DISP3: variants seen among roughly 807,000 people sequenced by gnomAD.
The protein encoded by DISP3 is protein dispatched homolog 3.
DISP3 carries 101 observed loss-of-function variants against 135.3 expected under a neutral mutation model. The ratio of observed to expected loss-of-function variants is 0.75; its 90% CI spans 0.64 to 0.88. The LOEUF is 0.88. Ranked by LOEUF, DISP3 falls within the 40% of genes least tolerant of loss-of-function variation. The pLI, the probability that DISP3 is intolerant of heterozygous loss-of-function variation, is 0.00. For synonymous variants in DISP3, 856 were observed against 817.0 expected (o/e 1.05, Z -0.81); for missense variants, 1,713 against 1,878.6 (o/e 0.91, Z 1.63).
In DISP3 at chr1:11,491,463, C is replaced by T. The variant is rs944212437; in HGVS notation, c.-3-9527C>T. 6.6e-6 allele frequency among the ~76,000 whole-genome samples: 1 copy of T among 151,996 alleles called. No homozygotes were observed. The highest frequency in any genetic ancestry group is 1.5e-5 in the Non-Finnish European group (1 of 67,992). ...AAAAATTAAAAACAAAAAACAAAAA[C>T]AGCCAGGTGTGGTGGCATGCACCTG... is the stretch of plus-strand genomic sequence containing the variant. On this transcript the variant is annotated intron_variant, in intron 1 of 20. Coordinates refer to ENST00000294484, the MANE Select transcript of DISP3 (RefSeq NM_020780.2). This position sits in a 1 kb window ranked among gnomAD's most constrained non-coding sequence, Gnocchi z 4.3.
Position 11,533,230 on chromosome 1 carries a change from T to C in DISP3, c.3376-1151T>C, listed in dbSNP as rs981264607. Among the ~76,000 whole-genome samples, 7 of 150,622 alleles carry C rather than the reference T, an allele frequency of 4.6e-5. 1 individual carries two copies. Among genetic ancestry groups the C allele is most frequent in the African/African-American group, 1.7e-4 (7 of 40,982 alleles). On this transcript the variant is annotated intron_variant, in intron 17 of 20. Coordinates refer to ENST00000294484, the MANE Select transcript of DISP3 (RefSeq NM_020780.2). ...GCCTCATGTGAATGGAATCATATGG[T>C]GTTTGTCCTTTGGTGACTGTTTCTT...
intron 1 of DISP3, among the ~76,000 whole-genome samples, chr1:11,492,977 C>A (rs1212900205): frequency 1.3e-5 from 2 of 152,218 alleles, no homozygotes; most frequent in Non-Finnish European, 2.9e-5. Context: ...GGGCTCCCTG[C>A]TTCACTCCTA....
In DISP3 at chr1:11,529,436, G is replaced by C; in HGVS notation, c.2799-120G>C. On this transcript the variant is annotated intron_variant, in intron 13 of 20. Transcript: ENST00000294484. The surrounding 1 kb of genome is among the most constrained non-coding windows in gnomAD (Gnocchi z 4.7). ...GAGAACAAATCCCCATGCCGGGGCA[G>C]AGCCCGAGTCCAGACCCCATGACAC... The C allele has an allele frequency of 8.2e-7, 1 of 1,220,592 alleles. No individual in the cohort carries two copies. Among genetic ancestry groups the C allele is most frequent in the African/African-American group, 1.5e-5 (1 of 65,760 alleles). 75.6% of individuals were successfully genotyped at this position (1,220,592 alleles called of 1,614,324 possible).
At chr1:11,534,857 A>G (rs1188159521) in intron 18 of DISP3, 154 bp from the exon 19 acceptor site, 2 of 824,752 alleles carry the variant, frequency 2.4e-6, no homozygotes, top group South Asian at 1.4e-5. Context: ...TGTTCTCTTC[A>G]ACTCCAAACA....
At chr1:11,514,548 C>A (rs1176700029) in intron 4 of DISP3, 22 bp downstream of exon 4, 1 of 1,607,460 alleles carries the variant, frequency 6.2e-7, no homozygotes. Context: ...CTCAAGCCAG[C>A]CCCCTCCTCC....
At chr1:11,527,355 C>T (rs1482438126) in intron 13 of DISP3, among the ~76,000 whole-genome samples, 1 of 152,098 alleles carries the variant, frequency 6.6e-6, no homozygotes, top group Non-Finnish European at 1.5e-5. Context: ...CGAGACCATC[C>T]TGGCTAACAC....
At chr1:11,533,458 T>C (rs1642624503) in intron 17 of DISP3, among the ~76,000 whole-genome samples, 1 of 152,008 alleles carries the variant, frequency 6.6e-6, no homozygotes, top group African/African-American at 2.4e-5. Flanking sequence ...GGTTTCACCA[T>C]GTTGGCCAGG....
chr1:11,499,171 C>G lies in DISP3; in HGVS notation c.-3-1819C>G, dbSNP rs1641428839. 6.6e-6 allele frequency among the ~76,000 whole-genome samples: 1 copy of G among 152,162 alleles called. No individual in the cohort carries two copies. Among genetic ancestry groups the G allele is most frequent in the African/African-American group, 2.4e-5 (1 of 41,426 alleles). On this transcript the variant is annotated intron_variant, in intron 1 of 20. Transcript: ENST00000294484. This position sits in a 1 kb window ranked among gnomAD's most constrained non-coding sequence, Gnocchi z 5.2. ...GGGATCAAGGGGCCTTCAGATCACC[C>G]AAGGAGTGTTGCTGTGACCCAGAAT... is the stretch of plus-strand genomic sequence containing the variant.
intron 1 of DISP3, among the ~76,000 whole-genome samples, chr1:11,485,088 C>G (rs1291744074): frequency 1.3e-5 from 2 of 152,118 alleles, no homozygotes; most frequent in African/African-American, 4.8e-5. Context: ...CCCTGTAGAG[C>G]TCATCAGAGT....
At chr1:11,498,214 G>T (rs1054572614) in intron 1 of DISP3, among the ~76,000 whole-genome samples, 1 of 152,192 alleles carries the variant, frequency 6.6e-6, no homozygotes, top group Non-Finnish European at 1.5e-5. Context: ...TGCATTCCGC[G>T]GGTCAGGACA....
Position 11,536,236 on chromosome 1 carries a change from G to A in DISP3, c.3817-88G>A, listed in dbSNP as rs756433968. 4.6e-5 allele frequency: 68 copies of A among 1,492,290 alleles called. No individual in the cohort carries two copies. Among genetic ancestry groups the A allele is most frequent in the Non-Finnish European group, 3.8e-5 (43 of 1,126,510 alleles). 92.4% of individuals were successfully genotyped at this position (1,492,290 alleles called of 1,614,324 possible). A position where few individuals can be genotyped will look rare whatever the true frequency, so the allele number is the denominator to read the frequency against. On this transcript the variant is annotated intron_variant, in intron 20 of 20. Coordinates refer to ENST00000294484, the MANE Select transcript of DISP3 (RefSeq NM_020780.2). The surrounding 1 kb of genome is among the most constrained non-coding windows in gnomAD (Gnocchi z 4.3). Reference sequence around the variant, plus strand: ...ATCCCAGTAACAGAGCAGGAACCTGGCGTGGGGTGGGGGTGCGTGATTCCC... The same window carrying A: ...ATCCCAGTAACAGAGCAGGAACCTGACGTGGGGTGGGGGTGCGTGATTCCC...
chr1:11,495,673 A>G (rs1641311824), intron 1 of DISP3, among the ~76,000 whole-genome samples: 2 of 152,212 alleles, frequency 1.3e-5, no homozygotes, highest in African/African-American at 4.8e-5. Flanking sequence ...TTCTGGGTCC[A>G]GTGGGCCATT....
intron 3 of DISP3, among the ~76,000 whole-genome samples, chr1:11,506,895 G>A (rs1641719623): frequency 6.6e-6 from 1 of 152,148 alleles, no homozygotes; most frequent in African/African-American, 2.4e-5. Context: ...TGAAACTCCT[G>A]GGCTCAGGTA....
chr1:11,498,320 G>A (rs1297122170), intron 1 of DISP3, among the ~76,000 whole-genome samples: 1 of 152,168 alleles, frequency 6.6e-6, no homozygotes, highest in Non-Finnish European at 1.5e-5. Flanking sequence ...CCGGGGGCTG[G>A]AATTGTCTGC....
chr1:11,497,428 G>T (rs922036314), intron 1 of DISP3, among the ~76,000 whole-genome samples: 10 of 149,430 alleles, frequency 6.7e-5, no homozygotes, highest in Admixed American at 5.4e-4. Context: ...CTCTGTCGTC[G>T]CCCAGGCTGG....
rs367890819 is a variant in DISP3 at position 11,520,015 on chromosome 1, C to T, written c.2200+135C>T. 2.4e-6 allele frequency: 2 copies of T among 819,430 alleles called. No homozygotes were observed. Among genetic ancestry groups the T allele is most frequent in the Admixed American group, 2.9e-5 (1 of 34,846 alleles). The allele number at this position is 819,430 out of a possible 1,614,324, so 50.8% of individuals were successfully genotyped here. On this transcript the variant is annotated intron_variant, in intron 9 of 20. Transcript: ENST00000294484. The surrounding 1 kb of genome is among the most constrained non-coding windows in gnomAD (Gnocchi z 4.8). ...CTGGGGTCTCTCCCTCTCTGACCCC[C>T]CCTCTTTCCTGTGCAGAATGAAGCC...
rs1642700657 is a variant in DISP3, at chr1:11,536,127, T to C, written c.3817-197T>C. ...ATCAACTCAGTTACACAGGACCTACTGTGCAGACCCTCGCGTCCTGTTGCC... is the reference window on the plus strand; with the variant it reads ...ATCAACTCAGTTACACAGGACCTACCGTGCAGACCCTCGCGTCCTGTTGCC... On this transcript the variant is annotated intron_variant, in intron 20 of 20. Coordinates refer to ENST00000294484, the MANE Select transcript of DISP3 (RefSeq NM_020780.2). This position sits in a 1 kb window ranked among gnomAD's most constrained non-coding sequence, Gnocchi z 4.3. Among the ~76,000 whole-genome samples the C allele has an allele frequency of 6.6e-6, 1 of 152,226 alleles. No homozygotes were observed. Among genetic ancestry groups the C allele is most frequent in the Non-Finnish European group, 1.5e-5 (1 of 68,034 alleles).
chr1:11,534,601 G>A (rs1642659043), intron 18 of DISP3, 61 bp downstream of exon 18: 2 of 1,548,512 alleles, frequency 1.3e-6, no homozygotes, highest in South Asian at 1.3e-5. Flanking sequence ...CCTGGGGCCG[G>A]GAGGGCACAG....
At chr1:11,514,576 G>C (rs1641949762) in intron 4 of DISP3, 50 bp downstream of exon 4, 1 of 1,586,018 alleles carries the variant, frequency 6.3e-7, no homozygotes, top group South Asian at 1.1e-5. Context: ...GGGTGCTCCT[G>C]TCTGCCCAGA....
Sources: gnomAD v4.1 joint callset for allele counts (sites outside exome capture counted in the v4.1 genomes callset) on GRCh38, gnomAD v4.1.1 for gene constraint, Gnocchi (gnomAD v3.1) non-coding constraint, MANE v1.5 for transcripts, NCBI Gene and HGNC (gene_info 2026-07-23, HGNC 2026-07-21) for gene names.